The following MLPH variants were observed in gnomAD, a reference collection of about 807,000 sequenced individuals.
MLPH encodes melanophilin.
A neutral mutation model predicts 72.1 loss-of-function variants in MLPH; 51 were observed. That is an observed-to-expected ratio of 0.71 (90% CI 0.56 to 0.89). The LOEUF (loss-of-function observed/expected upper bound fraction) is 0.89, where lower values mean the gene tolerates loss of function less well. MLPH is among the 40% of genes least tolerant of loss of function. The pLI, the probability that MLPH is intolerant of heterozygous loss-of-function variation, is 0.00. For missense variants in MLPH, 743 were observed against 759.9 expected, an observed-to-expected ratio of 0.98 and a Z score of 0.26; for synonymous variants, 301 against 310.1, an observed-to-expected ratio of 0.97 and a Z score of 0.31.
chr2:237,511,317 T>TCCCA, intron 4 of MLPH: 2 of 487,826 alleles, frequency 4.1e-6, no homozygotes, highest in Non-Finnish European at 7.4e-6. Context: ...TCACCATGTT[T>TCCCA]CCCAGACTGG....
chr2:237,496,420 C>G (rs977528589), intron 2 of MLPH, among the ~76,000 whole-genome samples: 5 of 152,198 alleles, frequency 3.3e-5, no homozygotes, highest in African/African-American at 9.7e-5. Context: ...TGGCTCACCC[C>G]CTTCTGACAC....
intron 14 of MLPH, among the ~76,000 whole-genome samples, chr2:237,550,956 T>C (rs963864863): frequency 6.6e-6 from 1 of 152,184 alleles, no homozygotes; most frequent in Non-Finnish European, 1.5e-5. Flanking sequence ...CTCACTCACC[T>C]CCAGTCCAAA....
At chr2:237,514,639 C>T (rs985680232) in intron 4 of MLPH, among the ~76,000 whole-genome samples, 9 of 152,178 alleles carry the variant, frequency 5.9e-5, no homozygotes, top group Non-Finnish European at 1.0e-4. Flanking sequence ...TCATTTGGGG[C>T]ATTGTTTTCT....
rs34913227 is a variant in MLPH, at chr2:237,503,152, A to AT, written c.111-7415dup. ...ATACATAAATAAATAATAAAAATCC[A>AT]TTTTTTTGATCATAAGGAATTTGAA... On this transcript the variant is annotated intron_variant, in intron 2 of 15. Coordinates refer to ENST00000264605, the MANE Select transcript of MLPH (RefSeq NM_024101.7). Among the ~76,000 whole-genome samples, 540 of 152,142 alleles carry AT rather than the reference A, an allele frequency of 3.5e-3. 2 individuals are homozygous for AT. Among genetic ancestry groups the AT allele is most frequent in the African/African-American group, 0.012 (515 of 41,494 alleles).
intron 1 of MLPH, among the ~76,000 whole-genome samples, chr2:237,491,553 A>G (rs545651590): frequency 1.2e-4 from 19 of 152,368 alleles, no homozygotes; most frequent in Admixed American, 1.0e-3. Flanking sequence ...GAGCTTAACA[A>G]TAACTAATGA....
In MLPH at chr2:237,510,471, A is replaced by T; in HGVS notation, c.111-103A>T. 1 of 1,050,640 alleles carries T rather than the reference A, an allele frequency of 9.5e-7. No individual in the cohort carries two copies. The allele number at this position is 1,050,640 out of a possible 1,614,324, so 65.1% of individuals were successfully genotyped here. A position where few individuals can be genotyped will look rare whatever the true frequency, so the allele number is the denominator to read the frequency against. ...TAGGAGACAGTTACTGTGTGTGTGT[A>T]TGTGTCTGTGTCTGTGTGTGTGTGT... is the stretch of plus-strand genomic sequence containing the variant. On this transcript the variant is annotated intron_variant, in intron 2 of 15. Transcript: ENST00000264605. The surrounding 1 kb of genome is among the most constrained non-coding windows in gnomAD (Gnocchi z 4.4).
At chr2:237,495,102 C>G (rs1247270388) in intron 2 of MLPH, among the ~76,000 whole-genome samples, 1 of 152,222 alleles carries the variant, frequency 6.6e-6, no homozygotes, top group East Asian at 1.9e-4. Flanking sequence ...AGCACAATGT[C>G]TAACAATGTC....
In MLPH at chr2:237,541,594, A is replaced by G. The variant is rs2080687005; in HGVS notation, c.1446+637A>G. ...CCTAAGGACAAAGGGCACGTCCCCT[A>G]GAGCTGTTCAAGGGGAGCGAGTCAG... is the stretch of plus-strand genomic sequence containing the variant. On this transcript the variant is annotated intron_variant, in intron 11 of 15. Coordinates refer to ENST00000264605, the MANE Select transcript of MLPH (RefSeq NM_024101.7). The surrounding 1 kb of genome is among the most constrained non-coding windows in gnomAD (Gnocchi z 5.1). Among the ~76,000 whole-genome samples the G allele has an allele frequency of 6.6e-6, 1 of 152,212 alleles. No individual in the cohort carries two copies. The highest frequency in any genetic ancestry group is 1.5e-5 in the Non-Finnish European group (1 of 68,036).
chr2:237,511,059 G>T lies in MLPH; in HGVS notation c.403G>T (p.Ala135Ser). Residue 135 changes from alanine to serine, a missense_variant, in exon 4 of 16, where the codon GCC becomes TCC. Transcript: ENST00000264605. The part of the protein sequence containing the change: ...VKARFKRFGS[A>S]KVIRSLHGRL... ...AGCCCGCTTCAAGAGGTTCGGAAGT[G>T]CCAAGGTCATCCGGTCCCTCCACGG... 2 of 1,614,024 alleles carry T rather than the reference G, an allele frequency of 1.2e-6. No homozygotes were observed. The highest frequency in any genetic ancestry group is 2.2e-5 in the East Asian group (1 of 44,872).
At chr2:237,536,415 A>G (rs909630581) in intron 9 of MLPH, among the ~76,000 whole-genome samples, 2 of 152,008 alleles carry the variant, frequency 1.3e-5, no homozygotes, top group African/African-American at 4.8e-5. Flanking sequence ...CAAGGTAGAC[A>G]TTTCTTTCCC....
intron 6 of MLPH, among the ~76,000 whole-genome samples, chr2:237,522,624 G>C (rs182504308): frequency 8.6e-4 from 130 of 150,912 alleles, no homozygotes; most frequent in African/African-American, 2.9e-3. Flanking sequence ...AACTGGGGTT[G>C]GGCCTTCAAA....
At position 237,510,431 on chromosome 2, in the gene MLPH, T is replaced by A; in HGVS notation, c.111-143T>A. 1 of 883,256 alleles carries A rather than the reference T, an allele frequency of 1.1e-6. No homozygotes were observed. The highest frequency in any genetic ancestry group is 1.8e-6 in the Non-Finnish European group (1 of 542,494). 54.7% of individuals were successfully genotyped at this position (883,256 alleles called of 1,614,324 possible). On this transcript the variant is annotated intron_variant, in intron 2 of 15. Coordinates refer to ENST00000264605, the MANE Select transcript of MLPH (RefSeq NM_024101.7). The surrounding 1 kb of genome is among the most constrained non-coding windows in gnomAD (Gnocchi z 4.4). ...CTGTGTGGCTTTGCCCAACGTTGGGTCACTGTTTTCTGCATAGGAGACAGT... is the reference window on the plus strand; with the variant it reads ...CTGTGTGGCTTTGCCCAACGTTGGGACACTGTTTTCTGCATAGGAGACAGT...
At chr2:237,508,335 C>T (rs577888643) in intron 2 of MLPH, among the ~76,000 whole-genome samples, 58 of 152,210 alleles carry the variant, frequency 3.8e-4, no homozygotes, top group African/African-American at 1.2e-3. Context: ...TGGTCTTGAA[C>T]TCCTTACCTC....
intron 8 of MLPH, among the ~76,000 whole-genome samples, chr2:237,529,716 A>T (rs2080378916): frequency 6.6e-6 from 1 of 152,212 alleles, no homozygotes; most frequent in Non-Finnish European, 1.5e-5. Context: ...AACCCAGAGA[A>T]GGGGAAGTGG....
intron 1 of MLPH, among the ~76,000 whole-genome samples, chr2:237,490,308 G>A (rs528296456): frequency 2.6e-5 from 4 of 151,564 alleles, no homozygotes; most frequent in Admixed American, 6.6e-5. Context: ...CAGCCTGAGC[G>A]ACAGACCAGG....
chr2:237,538,587 G>T (rs976855838), intron 9 of MLPH, among the ~76,000 whole-genome samples: 1 of 152,234 alleles, frequency 6.6e-6, no homozygotes, highest in Admixed American at 6.5e-5. Context: ...TTTTAAGGCC[G>T]CTGAGGGGGT....
chr2:237,536,921 C>T (rs2080543350), intron 9 of MLPH, among the ~76,000 whole-genome samples: 3 of 152,224 alleles, frequency 2.0e-5, no homozygotes, highest in African/African-American at 2.4e-5. Context: ...GCCTTTTGCT[C>T]ATACAAATCT....
chr2:237,497,487 G>A (rs1033046969), intron 2 of MLPH, among the ~76,000 whole-genome samples: 2 of 152,212 alleles, frequency 1.3e-5, no homozygotes, highest in Non-Finnish European at 2.9e-5. Context: ...GGGCCCCAGC[G>A]TGTGGGCACG....
At chr2:237,550,157 C>G (rs1321241637) in intron 14 of MLPH, among the ~76,000 whole-genome samples, 1 of 152,200 alleles carries the variant, frequency 6.6e-6, no homozygotes, top group African/African-American at 2.4e-5. Flanking sequence ...TGGGTGTGCC[C>G]CCTCCCTGCC....
Sources: gnomAD v4.1 joint callset for allele counts (sites outside exome capture counted in the v4.1 genomes callset) on GRCh38, gnomAD v4.1.1 for gene constraint, Gnocchi (gnomAD v3.1) non-coding constraint, MANE v1.5 for transcripts, NCBI Gene and HGNC (gene_info 2026-07-23, HGNC 2026-07-21) for gene names.